FBXL2: variants seen among roughly 807,000 people sequenced by gnomAD.
FBXL2 encodes the protein F-box/LRR-repeat protein 2.
A neutral mutation model predicts 69.2 loss-of-function variants in FBXL2; 38 were observed. The observed-to-expected ratio is 0.55, with a 90% CI of 0.42 to 0.72. The LOEUF is 0.72. Among genes scored for constraint, FBXL2 ranks in the 30% least tolerant of loss-of-function variants. The pLI is 0.00. For missense variants in FBXL2, 354 were observed against 520.3 expected (o/e 0.68, Z 3.11); for synonymous variants, 192 against 201.3 (o/e 0.95, Z 0.39).
intron 13 of FBXL2, among the ~76,000 whole-genome samples, chr3:33,382,315 T>A (rs149238482): frequency 1.3e-4 from 20 of 152,332 alleles, no homozygotes; most frequent in African/African-American, 4.6e-4. Context: ...TATAGATCAA[T>A]GCATTTCCAT....
At chr3:33,394,740 C>T (rs2043901732) in intron 12 of FBXL2, among the ~76,000 whole-genome samples, 1 of 150,094 alleles carries the variant, frequency 6.7e-6, no homozygotes, top group African/African-American at 2.5e-5. Context: ...ACTAAAATTA[C>T]AGTAAGAATA....
At chr3:33,417,204 G>C in the FBXL2 span, among the ~76,000 whole-genome samples, 1 of 152,114 alleles carries the variant, frequency 6.6e-6, no homozygotes, top group Non-Finnish European at 1.5e-5. Context: ...AGTATAGTCA[G>C]AGTTGTGCAA....
intron 12 of FBXL2, 104 bp downstream of exon 12, chr3:33,378,251 T>C (rs772404768): frequency 3.5e-5 from 41 of 1,177,548 alleles, no homozygotes; most frequent in Non-Finnish European, 5.2e-5. Context: ...CTGACCCTCC[T>C]TGATCAACCT....
chr3:33,294,158 G>A (rs533318447), intron 1 of FBXL2, among the ~76,000 whole-genome samples: 28 of 152,102 alleles, frequency 1.8e-4, no homozygotes, highest in Admixed American at 7.9e-4. Context: ...GTGCAGTAGC[G>A]TGGTCATAGC....
downstream of FBXL2, chr3:33,388,907 A>G (rs181279536): frequency 6.6e-6 from 1 of 152,268 alleles, no homozygotes; most frequent in Non-Finnish European, 1.5e-5. Context: ...CTCATTTCCT[A>G]TTTTTTGCCT....
chr3:33,325,851 T>C (rs1377977297), intron 2 of FBXL2, among the ~76,000 whole-genome samples: 2 of 152,158 alleles, frequency 1.3e-5, no homozygotes, highest in Non-Finnish European at 2.9e-5. Flanking sequence ...AACCCAGCCA[T>C]AAAAATTTCT....
chr3:33,296,033 G>C (rs1206038388), intron 1 of FBXL2, among the ~76,000 whole-genome samples: 1 of 151,980 alleles, frequency 6.6e-6, no homozygotes, highest in Non-Finnish European at 1.5e-5. Context: ...ACACTTTCTT[G>C]ATGGTGCCCT....
chr3:33,346,235 A>T (rs114333375), intron 2 of FBXL2, among the ~76,000 whole-genome samples: 2,751 of 152,174 alleles, frequency 0.018, 34 homozygotes, highest in South Asian at 0.027. Flanking sequence ...TCACAAAAAA[A>T]TAAAAAATAA....
chr3:33,277,550 G>A (rs1261885736), intron 1 of FBXL2, 35 bp downstream of exon 1: 1 of 1,271,648 alleles, frequency 7.9e-7, no homozygotes. Flanking sequence ...TAGCTGCCCC[G>A]CCCTACCCCT....
intron 2 of FBXL2, among the ~76,000 whole-genome samples, chr3:33,340,575 T>C (rs1281869234): frequency 6.1e-5 from 7 of 115,310 alleles, no homozygotes. Flanking sequence ...GTTATTTTGA[T>C]TAAAAAAAAA....
intron 2 of FBXL2, among the ~76,000 whole-genome samples, chr3:33,327,667 C>T (rs953432621): frequency 6.6e-6 from 1 of 151,994 alleles, no homozygotes; most frequent in Non-Finnish European, 1.5e-5. Context: ...TCATTAGAGA[C>T]AATTATGAAC....
At position 33,305,374 on chromosome 3, in the gene FBXL2, CT is replaced by C. The variant is rs2036622841; in HGVS notation, c.65+7652del. Among the ~76,000 whole-genome samples the C allele has an allele frequency of 2.0e-5, 3 of 151,748 alleles. No individual in the cohort carries two copies. In the South Asian group the frequency reaches 6.2e-4, roughly 32 times the overall value. On this transcript the variant is annotated intron_variant, in intron 2 of 14. Coordinates refer to ENST00000484457, the MANE Select transcript of FBXL2 (RefSeq NM_012157.5). ...TTCCAGGTTCGTTTGTTGAATGATC[CT>C]TTCGTTTCTACATAGAAATGCCCTA...
At chr3:33,416,288 A>G in the FBXL2 span, among the ~76,000 whole-genome samples, 27 of 152,176 alleles carry the variant, frequency 1.8e-4, no homozygotes, top group Non-Finnish European at 2.9e-4. Context: ...GATGGTTCTG[A>G]GGATACATCC....
At chr3:33,341,059 TAATA>T (rs2039982452) in intron 2 of FBXL2, among the ~76,000 whole-genome samples, 1 of 152,194 alleles carries the variant, frequency 6.6e-6, no homozygotes, top group African/African-American at 2.4e-5. Context: ...TTACAGCTCT[TAATA>T]AATTAATAGA....
intron 2 of FBXL2, among the ~76,000 whole-genome samples, chr3:33,316,041 T>C (rs1259463363): frequency 6.6e-6 from 1 of 151,886 alleles, no homozygotes; most frequent in Admixed American, 6.6e-5. Context: ...TTACTACTTC[T>C]TTGTTCTCTG....
intron 2 of FBXL2, among the ~76,000 whole-genome samples, chr3:33,311,134 A>G (rs1167923588): frequency 1.3e-5 from 2 of 152,220 alleles, no homozygotes; most frequent in Non-Finnish European, 2.9e-5. Context: ...GGTTTCTGCT[A>G]AGAAATTTGC....
chr3:33,277,382 C>T (rs2033374887), upstream of FBXL2: 2 of 1,018,516 alleles, frequency 2.0e-6, no homozygotes, highest in African/African-American at 1.7e-5. Context: ...CACGTGCTCG[C>T]CGACCACCAA....
chr3:33,355,110 T>G (rs2041104854), intron 2 of FBXL2, among the ~76,000 whole-genome samples: 2 of 152,124 alleles, frequency 1.3e-5, no homozygotes, highest in Non-Finnish European at 2.9e-5. Flanking sequence ...CTGTATTTTT[T>G]GTAGCAATGG....
At chr3:33,372,707 A>C (rs1243854854) in intron 5 of FBXL2, 5 of 322,924 alleles carry the variant, frequency 1.5e-5, no homozygotes, top group Non-Finnish European at 2.9e-5. Context: ...ACAGTACTAG[A>C]AGATTTGCCC....
Sources: allele counts gnomAD v4.1 joint callset (sites outside exome capture counted in the v4.1 genomes callset), GRCh38; gene constraint gnomAD v4.1.1; transcripts MANE v1.5; gene names NCBI Gene and HGNC (gene_info 2026-07-23, HGNC 2026-07-21).